The following PDE1C variants were observed in gnomAD, a reference collection of about 807,000 sequenced individuals.
PDE1C encodes the protein phosphodiesterase 1C, also known as dual specificity calcium/calmodulin-dependent 3',5'-cyclic nucleotide phosphodiesterase 1C.
In PDE1C, 62 loss-of-function variants were observed where a neutral mutation model predicts 93.1. The observed-to-expected ratio is 0.67, with a 90% CI of 0.54 to 0.82. The LOEUF (loss-of-function observed/expected upper bound fraction) is 0.82. Ranked by LOEUF, PDE1C falls within the 40% of genes least tolerant of loss-of-function variation. The pLI, the probability that PDE1C is intolerant of heterozygous loss-of-function variation, is 0.00. For missense variants in PDE1C, 742 were observed against 884.6 expected (o/e 0.84, Z 2.04); for synonymous variants, 325 against 310.1 (o/e 1.05, Z -0.50).
chr7:31,951,074 T>C (rs1279909692), intron 2 of PDE1C, among the ~76,000 whole-genome samples: 1 of 152,298 alleles, frequency 6.6e-6, no homozygotes, highest in East Asian at 1.9e-4. Flanking sequence ...CCTTTTCTCT[T>C]GCGTGTACAT....
chr7:31,686,685 C>G, the PDE1C span: 1 of 152,164 alleles, frequency 6.6e-6, no homozygotes, highest in Non-Finnish European at 1.5e-5. Flanking sequence ...ATGACTGTAG[C>G]TCATCTCACA....
chr7:31,768,730 A>G (rs1035190507), intron 17 of PDE1C, among the ~76,000 whole-genome samples: 1 of 151,910 alleles, frequency 6.6e-6, no homozygotes, highest in Non-Finnish European at 1.5e-5. Context: ...TGATGTGCTC[A>G]CCCCTAATTC....
At chr7:31,941,093 C>G (rs1052440908) in intron 2 of PDE1C, among the ~76,000 whole-genome samples, 2 of 152,048 alleles carry the variant, frequency 1.3e-5, no homozygotes, top group African/African-American at 4.8e-5. Flanking sequence ...GCTACCTAAG[C>G]TGTTCACCCA....
intron 1 of PDE1C, among the ~76,000 whole-genome samples, chr7:32,233,638 C>A (rs1807866800): frequency 6.6e-6 from 1 of 151,990 alleles, no homozygotes; most frequent in Non-Finnish European, 1.5e-5. Context: ...GAAGTTAAAA[C>A]AGCCTTAAAT....
At chr7:32,174,261 A>T (rs927516759) in intron 2 of PDE1C, among the ~76,000 whole-genome samples, 5 of 152,152 alleles carry the variant, frequency 3.3e-5, no homozygotes, top group African/African-American at 1.2e-4. Flanking sequence ...TTCATTCAGT[A>T]AACACATATT....
At chr7:32,124,486 G>C in intron 3 of PDE1C, among the ~76,000 whole-genome samples, 1 of 152,124 alleles carries the variant, frequency 6.6e-6, no homozygotes. Context: ...AAACAGCATG[G>C]TACTGGTACC....
At chr7:32,083,278 A>T (rs1032944515) in intron 3 of PDE1C, among the ~76,000 whole-genome samples, 73 of 151,040 alleles carry the variant, frequency 4.8e-4, no homozygotes, top group African/African-American at 1.7e-3. Context: ...GAATGAAATG[A>T]AGTGAGAAGG....
chr7:31,970,469 T>C (rs938870424), intron 2 of PDE1C, among the ~76,000 whole-genome samples: 15 of 152,198 alleles, frequency 9.9e-5, no homozygotes, highest in Admixed American at 7.2e-4. Context: ...TTCTAAGATA[T>C]GGGAAAGCCA....
intron 2 of PDE1C, among the ~76,000 whole-genome samples, chr7:32,007,038 A>G (rs759288083): frequency 3.9e-5 from 6 of 152,192 alleles, no homozygotes; most frequent in Non-Finnish European, 8.8e-5. Flanking sequence ...ATGTCTTCCA[A>G]GATTTATCTT....
Position 31,753,319 on chromosome 7 carries a change from G to T in PDE1C, c.*65C>A, listed in dbSNP as rs1179822221. ...GGGTCTTGGAGGTGTGTCCTGCTGT[G>T]GCCAGTGGGTGCTGAGAAGCAGATA... On this transcript the variant is annotated 3_prime_UTR_variant, in exon 18 of 18. Transcript: ENST00000396191. 2.3e-5 allele frequency: 36 copies of T among 1,564,040 alleles called. No individual in the cohort carries two copies. The highest frequency in any genetic ancestry group is 3.1e-5 in the Non-Finnish European group (36 of 1,155,042).
At chr7:31,931,045 T>C (rs899691604) in intron 2 of PDE1C, among the ~76,000 whole-genome samples, 1 of 152,082 alleles carries the variant, frequency 6.6e-6, no homozygotes, top group African/African-American at 2.4e-5. Flanking sequence ...CATCCCTTCA[T>C]GCTAAAAGCA....
intron 2 of PDE1C, among the ~76,000 whole-genome samples, chr7:31,935,145 A>AG (rs1804865368): frequency 6.6e-6 from 1 of 152,208 alleles, no homozygotes; most frequent in African/African-American, 2.4e-5. Context: ...GCGTTGATAC[A>AG]GGGGTCTATC....
chr7:32,234,685 T>C (rs777187541), intron 1 of PDE1C, among the ~76,000 whole-genome samples: 2 of 151,920 alleles, frequency 1.3e-5, no homozygotes, highest in African/African-American at 2.4e-5. Flanking sequence ...TCTAGAAAAC[T>C]AAAATCTAAA....
intron 2 of PDE1C, among the ~76,000 whole-genome samples, chr7:31,907,646 T>A (rs1286329013): frequency 3.9e-5 from 6 of 152,160 alleles, no homozygotes; most frequent in Non-Finnish European, 7.4e-5. Flanking sequence ...TGGCAGGCAA[T>A]TTATTTCAGG....
intron 2 of PDE1C, chr7:31,941,425 A>AG (rs1805828868): frequency 6.3e-6 from 1 of 159,604 alleles, no homozygotes; most frequent in Non-Finnish European, 1.4e-5. Context: ...CCAAAGCCAC[A>AG]GAAGTTTCTG....
At chr7:32,346,501 C>T (rs1280769079) in intron 1 of PDE1C, among the ~76,000 whole-genome samples, 1 of 152,210 alleles carries the variant, frequency 6.6e-6, no homozygotes, top group East Asian at 1.9e-4. Context: ...CATGGGCCCC[C>T]AGGTGCCTGT....
the PDE1C span, among the ~76,000 whole-genome samples, chr7:31,618,881 G>A: frequency 1.0e-3 from 153 of 152,244 alleles, 1 homozygote; most frequent in South Asian, 8.7e-3. Flanking sequence ...ATGCTTTGTT[G>A]TGCACATTGC....
chr7:31,837,059 C>G (rs1172330010), intron 11 of PDE1C, 121 bp downstream of exon 11: 2 of 882,822 alleles, frequency 2.3e-6, no homozygotes, highest in Admixed American at 5.4e-5. Flanking sequence ...ATCTGTGGAG[C>G]CCCCCTCCCC....
chr7:32,335,072 A>G (rs768303891), intron 1 of PDE1C, among the ~76,000 whole-genome samples: 2 of 152,196 alleles, frequency 1.3e-5, no homozygotes, highest in Non-Finnish European at 2.9e-5. Flanking sequence ...ATATTTACGA[A>G]CATCATGTAA....
Sources: allele counts gnomAD v4.1 joint callset (sites outside exome capture counted in the v4.1 genomes callset), GRCh38; gene constraint gnomAD v4.1.1; transcripts MANE v1.5; gene names NCBI Gene and HGNC (gene_info 2026-07-23, HGNC 2026-07-21).